Variants in DIP2C observed in about 807,000 individuals in gnomAD.
DIP2C encodes disco-interacting protein 2 homolog C.
Under a neutral mutation model 192.4 loss-of-function variants are expected in DIP2C, and 33 were observed. The observed-to-expected ratio is 0.17, with a 90% CI of 0.13 to 0.23. The LOEUF (loss-of-function observed/expected upper bound fraction) is 0.23, where lower values mean the gene tolerates loss of function less well. DIP2C is among the 10% of genes least tolerant of loss of function. The probability of loss-of-function intolerance (pLI) is 1.00; values close to 1 mark genes in which losing one functional copy is unlikely to be tolerated. For missense variants in DIP2C, 1,537 were observed against 2,110.1 expected (o/e 0.73, Z 5.32); for synonymous variants, 979 against 864.1 (o/e 1.13, Z -2.33).
At chr10:539,631 G>A (rs1330037532) in intron 1 of DIP2C, among the ~76,000 whole-genome samples, 1 of 152,190 alleles carries the variant, frequency 6.6e-6, no homozygotes, top group Non-Finnish European at 1.5e-5. Context: ...AGAAATTACT[G>A]TGTGTCACGT....
At chr10:615,460 ATCAG>A (rs1564272679) in intron 1 of DIP2C, among the ~76,000 whole-genome samples, 3 of 152,298 alleles carry the variant, frequency 2.0e-5, no homozygotes, top group South Asian at 2.1e-4. Flanking sequence ...CCACTGAGGA[ATCAG>A]TCATTTACAG....
chr10:562,683 T>C (rs1383260316), intron 1 of DIP2C, among the ~76,000 whole-genome samples: 2 of 152,246 alleles, frequency 1.3e-5, no homozygotes, highest in African/African-American at 2.4e-5. Context: ...GCATGGCCAG[T>C]TTTAAAGATT....
chr10:428,660 G>C (rs535749054), intron 4 of DIP2C, among the ~76,000 whole-genome samples: 6 of 151,912 alleles, frequency 3.9e-5, no homozygotes. Flanking sequence ...TGAACTTCTC[G>C]GGGCTGGACA....
intron 4 of DIP2C, among the ~76,000 whole-genome samples, chr10:439,907 T>A (rs921177916): frequency 2.6e-5 from 4 of 152,130 alleles, no homozygotes; most frequent in African/African-American, 9.7e-5. Flanking sequence ...GAGAAAAAAA[T>A]GGTGTCAAAG....
intron 1 of DIP2C, among the ~76,000 whole-genome samples, chr10:590,759 G>C (rs975106431): frequency 6.6e-6 from 1 of 152,130 alleles, no homozygotes; most frequent in Non-Finnish European, 1.5e-5. Flanking sequence ...ACCCAGAAAC[G>C]CTATTGAAAC....
intron 31 of DIP2C, among the ~76,000 whole-genome samples, chr10:323,253 CCGGCGAGAGACCGGCGTTGTTAGAA>C: frequency 2.0e-5 from 1 of 49,420 alleles, no homozygotes; most frequent in East Asian, 3.8e-4. Context: ...GTGCGGGGCT[CCGGCGAGAGACCGGCGTTGTTAGAA>C]CAGTCAGTCG....
At chr10:597,420 AGTTT>A (rs1851775035) in intron 1 of DIP2C, among the ~76,000 whole-genome samples, 2 of 151,708 alleles carry the variant, frequency 1.3e-5, no homozygotes, top group South Asian at 4.2e-4. Context: ...TGGTCTTCAG[AGTTT>A]CCTTCTAGCC....
chr10:390,548 G>A (rs1003086476), intron 11 of DIP2C, among the ~76,000 whole-genome samples, 175 bp from the exon 12 acceptor site: 3 of 151,268 alleles, frequency 2.0e-5, no homozygotes, highest in Non-Finnish European at 4.4e-5. Context: ...GCCACCATGC[G>A]TTACCTCACG....
chr10:280,586 C>A (rs1210941852), intron 36 of DIP2C, among the ~76,000 whole-genome samples: 1 of 152,220 alleles, frequency 6.6e-6, no homozygotes, highest in African/African-American at 2.4e-5. Flanking sequence ...GAATCTCCGG[C>A]AGCACCATTG....
At chr10:577,813 GTTTT>G (rs923820982) in intron 1 of DIP2C, among the ~76,000 whole-genome samples, 15 of 143,196 alleles carry the variant, frequency 1.0e-4, no homozygotes, top group East Asian at 4.0e-4. Context: ...TGTTTCTTTT[GTTTT>G]TTTGTGTTTT....
intron 14 of DIP2C, 100 bp from the exon 15 acceptor site, chr10:384,739 G>A (rs1962729191): frequency 3.3e-6 from 4 of 1,207,284 alleles, no homozygotes; most frequent in Non-Finnish European, 4.8e-6. Context: ...GGGCAGGGGG[G>A]AGCTCTCAGG....
chr10:341,091 C>T, intron 29 of DIP2C, 108 bp downstream of exon 29: 2 of 1,489,730 alleles, frequency 1.3e-6, no homozygotes, highest in Non-Finnish European at 1.9e-6. Flanking sequence ...CCTCCTCTGG[C>T]AGGAGTGGGG....
At chr10:522,212 T>TAGC (rs919191771) in intron 1 of DIP2C, among the ~76,000 whole-genome samples, 16 of 152,252 alleles carry the variant, frequency 1.1e-4, no homozygotes, top group African/African-American at 3.9e-4. Flanking sequence ...GACTCTCACT[T>TAGC]AGCAACATGC....
At position 337,581 on chromosome 10, in the gene DIP2C, A is replaced by ATG. The variant is rs547049566; in HGVS notation, c.3584+3616_3584+3617dup. ...GTGTGTGCTGTGGAGGCCTAGGCTG[A>ATG]TGTGTGTGTGTGTGTTCTGTGGAGG... On this transcript the variant is annotated intron_variant, in intron 29 of 36. Coordinates refer to ENST00000280886, the MANE Select transcript of DIP2C (RefSeq NM_014974.3). Among the ~76,000 whole-genome samples, 301 of 100,416 alleles carry ATG rather than the reference A, an allele frequency of 3.0e-3. 3 individuals carry two copies. Among genetic ancestry groups the ATG allele is most frequent in the African/African-American group, 7.7e-3 (200 of 26,032 alleles). The allele number at this position is 100,416 out of a possible 152,430, so 65.9% of individuals were successfully genotyped here. A position where few individuals can be genotyped will look rare whatever the true frequency, so the allele number is the denominator to read the frequency against.
intron 1 of DIP2C, among the ~76,000 whole-genome samples, chr10:527,779 A>G (rs1237569775): frequency 6.6e-6 from 1 of 152,224 alleles, no homozygotes; most frequent in African/African-American, 2.4e-5. Flanking sequence ...GTACAACAGA[A>G]AATCCATAAG....
intron 1 of DIP2C, among the ~76,000 whole-genome samples, chr10:579,004 C>T (rs539289554): frequency 1.8e-4 from 27 of 151,994 alleles, no homozygotes; most frequent in Middle Eastern, 3.4e-3. Flanking sequence ...TACACTATAA[C>T]GTGTATGTGG....
At chr10:369,954 C>A in intron 17 of DIP2C, 1 of 985,392 alleles carries the variant, frequency 1.0e-6, no homozygotes, top group Non-Finnish European at 1.2e-6. Context: ...CCAGGCCCTG[C>A]ACAGACCAGC....
rs530267658 is a variant in DIP2C at position 473,889 on chromosome 10, C to G, written c.158-1340G>C. ...ATTCCTTACTCTGGTGGTTTCTGAA[C>G]ATCAGCTTTTGATGGTGCGTGTGTG... On this transcript the variant is annotated intron_variant, in intron 2 of 36. Transcript: ENST00000280886. Among the ~76,000 whole-genome samples, 4 of 152,278 alleles carry G rather than the reference C, an allele frequency of 2.6e-5. No homozygotes were observed. In the East Asian group the frequency reaches 7.7e-4, roughly 29 times the overall value.
At chr10:336,963 T>G (rs1957814387) in intron 29 of DIP2C, among the ~76,000 whole-genome samples, 1 of 59,680 alleles carries the variant, frequency 1.7e-5, no homozygotes, top group Non-Finnish European at 4.7e-5. Context: ...GTGTGTGTTG[T>G]GGAGGCCTAG....
Sources: allele counts gnomAD v4.1 joint callset (sites outside exome capture counted in the v4.1 genomes callset), GRCh38; gene constraint gnomAD v4.1.1; transcripts MANE v1.5; gene names NCBI Gene and HGNC (gene_info 2026-07-23, HGNC 2026-07-21).